PROM1: variants seen among roughly 807,000 people sequenced by gnomAD.
PROM1 encodes prominin 1.
A neutral mutation model predicts 116.9 loss-of-function variants in PROM1; 105 were observed. The ratio of observed to expected loss-of-function variants is 0.90; its 90% CI spans 0.77 to 1.06. PROM1 has a LOEUF of 1.06. Ranked by LOEUF, PROM1 falls within the 50% of genes least tolerant of loss-of-function variation. The probability of loss-of-function intolerance (pLI) is 0.00; values close to 1 mark genes in which losing one functional copy is unlikely to be tolerated. For missense variants in PROM1, 1,122 were observed against 1,045.2 expected (o/e 1.07, Z -1.01); for synonymous variants, 393 against 387.0 (o/e 1.02, Z -0.18).
intron 23 of PROM1, among the ~76,000 whole-genome samples, chr4:15,982,288 T>C (rs1338116978): frequency 6.6e-6 from 1 of 152,216 alleles, no homozygotes; most frequent in Non-Finnish European, 1.5e-5. Context: ...ATTTCTGCTT[T>C]GCTCCTGGCT....
chr4:16,075,628 A>G (rs1383827668), intron 2 of PROM1, 59 bp downstream of exon 2: 5 of 1,474,040 alleles, frequency 3.4e-6, no homozygotes, highest in Non-Finnish European at 4.6e-6. Flanking sequence ...GACATTAAAA[A>G]ACAATATTGT....
At chr4:15,976,507 C>T (rs1044307669) in intron 26 of PROM1, among the ~76,000 whole-genome samples, 12 of 152,226 alleles carry the variant, frequency 7.9e-5, no homozygotes, top group African/African-American at 2.9e-4. Context: ...AGTCTACCCT[C>T]CTTTGTGGGA....
intron 2 of PROM1, among the ~76,000 whole-genome samples, chr4:16,051,116 A>T (rs1737777369): frequency 6.6e-6 from 1 of 152,166 alleles, no homozygotes; most frequent in Non-Finnish European, 1.5e-5. Context: ...GTCTTAAAAG[A>T]AGAGTAGAAA....
chr4:16,021,830 T>G (rs1729971212), intron 8 of PROM1, among the ~76,000 whole-genome samples: 1 of 151,994 alleles, frequency 6.6e-6, no homozygotes, highest in Non-Finnish European at 1.5e-5. Context: ...CTCCACCACT[T>G]CCCCCAGCTA....
chr4:16,015,743 G>A (rs1478135987), intron 10 of PROM1, among the ~76,000 whole-genome samples: 1 of 151,846 alleles, frequency 6.6e-6, no homozygotes, highest in Non-Finnish European at 1.5e-5. Flanking sequence ...GCTACTTGGA[G>A]AGGGGAAAAG....
chr4:16,057,415 A>G (rs925223077), intron 2 of PROM1, among the ~76,000 whole-genome samples: 2 of 152,250 alleles, frequency 1.3e-5, no homozygotes, highest in African/African-American at 4.8e-5. Flanking sequence ...AAACATTTCA[A>G]ATCATAATTC....
chr4:15,977,744 G>A (rs545472295), intron 26 of PROM1, among the ~76,000 whole-genome samples: 3 of 152,222 alleles, frequency 2.0e-5, no homozygotes, highest in South Asian at 4.2e-4. Context: ...GACTACAGGC[G>A]TGTGCCACCA....
At chr4:16,000,411 A>G in intron 14 of PROM1, 85 bp downstream of exon 14, 1 of 1,206,810 alleles carries the variant, frequency 8.3e-7, no homozygotes, top group Non-Finnish European at 1.1e-6. Context: ...ATAAGTTTGC[A>G]CTGCTCTTAA....
chr4:16,041,592 C>G (rs1735239638), intron 2 of PROM1, among the ~76,000 whole-genome samples: 1 of 151,654 alleles, frequency 6.6e-6, no homozygotes, highest in African/African-American at 2.4e-5. Flanking sequence ...GCCTGGGCAA[C>G]TGGGTAACAT....
At chr4:16,064,922 ATTGAG>A (rs1192490769) in intron 2 of PROM1, among the ~76,000 whole-genome samples, 1 of 152,178 alleles carries the variant, frequency 6.6e-6, no homozygotes, top group Non-Finnish European at 1.5e-5. Flanking sequence ...GAAAATTCTG[ATTGAG>A]TTAAGTGTGG....
chr4:16,012,473 T>C (rs1219358708), intron 11 of PROM1, among the ~76,000 whole-genome samples: 1 of 152,210 alleles, frequency 6.6e-6, no homozygotes. Flanking sequence ...TCCAAAATTG[T>C]AAGCAACCTA....
rs567578264 is a variant in PROM1, at chr4:16,012,850, G to A, written c.1141+425C>T. ...TGTGCCACTGCATTCCAGCCTGAGCGACAGAGCGAGACTCTGTCTCAAAAA... is the reference window on the plus strand; with the variant it reads ...TGTGCCACTGCATTCCAGCCTGAGCAACAGAGCGAGACTCTGTCTCAAAAA... On this transcript the variant is annotated intron_variant, in intron 11 of 27. Coordinates refer to ENST00000447510, the MANE Select transcript of PROM1 (RefSeq NM_006017.3). Among the ~76,000 whole-genome samples the A allele has an allele frequency of 1.2e-4, 15 of 123,622 alleles. No individual in the cohort carries two copies. In the East Asian group the frequency reaches 2.0e-3, roughly 16 times the overall value. 81.1% of individuals were successfully genotyped at this position (123,622 alleles called of 152,430 possible).
chr4:16,046,411 T>C (rs1170805199), intron 2 of PROM1, among the ~76,000 whole-genome samples: 1 of 152,150 alleles, frequency 6.6e-6, no homozygotes, highest in Non-Finnish European at 1.5e-5. Context: ...CTTTCCAAAA[T>C]GAAAATTTGT....
At chr4:15,996,686 A>G (rs1722404200) in intron 15 of PROM1, among the ~76,000 whole-genome samples, 1 of 152,242 alleles carries the variant, frequency 6.6e-6, no homozygotes, top group Admixed American at 6.5e-5. Flanking sequence ...AATACCTAAA[A>G]GTATAACAAA....
At chr4:15,983,128 G>A (rs7436886) in intron 23 of PROM1, among the ~76,000 whole-genome samples, 1 of 152,140 alleles carries the variant, frequency 6.6e-6, no homozygotes, top group African/African-American at 2.4e-5. Context: ...AATTGAAACA[G>A]CAATAACATC....
intron 5 of PROM1, among the ~76,000 whole-genome samples, chr4:16,027,050 G>A (rs1302607477): frequency 6.6e-6 from 1 of 152,180 alleles, no homozygotes; most frequent in Non-Finnish European, 1.5e-5. Context: ...AGCTGTAAAG[G>A]AGAGTAGTAC....
intron 2 of PROM1, among the ~76,000 whole-genome samples, chr4:16,040,859 T>C (rs1735049304): frequency 6.6e-6 from 1 of 152,230 alleles, no homozygotes; most frequent in South Asian, 2.1e-4. Context: ...GACTGTTATT[T>C]TGGCCATTCA....
At chr4:16,083,289 C>A in intron 1 of PROM1, 1 of 152,380 alleles carries the variant, frequency 6.6e-6, no homozygotes, top group Non-Finnish European at 1.5e-5. Context: ...CGGTCCAGTT[C>A]GCACACTCAC....
intron 2 of PROM1, among the ~76,000 whole-genome samples, chr4:16,050,335 A>G (rs1316340238): frequency 1.3e-5 from 2 of 151,368 alleles, no homozygotes; most frequent in Non-Finnish European, 2.9e-5. Context: ...TTCATGTTGC[A>G]CTGATACAGG....
Sources: allele counts gnomAD v4.1 joint callset (sites outside exome capture counted in the v4.1 genomes callset), GRCh38; gene constraint gnomAD v4.1.1; transcripts MANE v1.5; gene names NCBI Gene and HGNC (gene_info 2026-07-23, HGNC 2026-07-21).